The following TMEM131 variants were observed in gnomAD, a reference collection of about 807,000 sequenced individuals.
TMEM131 encodes transmembrane protein 131, also known as 2610524E03Rik.
A neutral mutation model predicts 211.6 loss-of-function variants in TMEM131; 66 were observed. The observed-to-expected ratio is 0.31, with a 90% CI of 0.26 to 0.38. The LOEUF is 0.38. Among genes scored for constraint, TMEM131 ranks in the 10% least tolerant of loss-of-function variants. The probability of loss-of-function intolerance (pLI) is 1.00; values close to 1 mark genes in which losing one functional copy is unlikely to be tolerated. For synonymous variants in TMEM131, 844 were observed against 841.3 expected (o/e 1.00, Z -0.06); for missense variants, 2,036 against 2,299.3 (o/e 0.89, Z 2.34).
intron 25 of TMEM131, among the ~76,000 whole-genome samples, chr2:97,797,862 G>T (rs778322768): frequency 4.6e-5 from 7 of 152,190 alleles, no homozygotes; most frequent in Non-Finnish European, 1.0e-4. Flanking sequence ...AACCTAAGAT[G>T]ATCAGCTAGA....
intron 3 of TMEM131, among the ~76,000 whole-genome samples, chr2:97,897,907 T>G (rs1483764577): frequency 6.6e-6 from 1 of 152,184 alleles, no homozygotes; most frequent in African/African-American, 2.4e-5. Context: ...ATTTAAAAAC[T>G]AATTTTCTAA....
chr2:97,916,207 C>A (rs1414421378), intron 2 of TMEM131, among the ~76,000 whole-genome samples: 2 of 152,232 alleles, frequency 1.3e-5, no homozygotes, highest in African/African-American at 4.8e-5. Flanking sequence ...TGGGCCACGG[C>A]ACCCAGCCTT....
intron 5 of TMEM131, among the ~76,000 whole-genome samples, chr2:97,850,540 T>C (rs1673578497): frequency 6.6e-6 from 1 of 152,086 alleles, no homozygotes; most frequent in Admixed American, 6.6e-5. Context: ...GACTGTAAGG[T>C]GCCCTTGACT....
Position 97,766,525 on chromosome 2 carries a change from G to T in TMEM131, c.4526C>A (p.Thr1509Asn). The T allele has an allele frequency of 6.2e-7, 1 of 1,614,050 alleles. No individual in the cohort carries two copies. The highest frequency in any genetic ancestry group is 8.5e-7 in the Non-Finnish European group (1 of 1,179,884). Residue 1509 changes from threonine (T) to asparagine (N), a missense_variant, in exon 34 of 41, where the codon ACT becomes AAT. Transcript: ENST00000186436. Reference protein sequence around the residue: ...RNLPSKIPLPTAMTSGSKSRN... With the variant: ...RNLPSKIPLPNAMTSGSKSRN... Reference sequence around the variant, plus strand: ...TGATTTGGATCCACTTGTCATTGCAGTTGGAAGAGGAATCTTGCTTGGGAG... The same window carrying T: ...TGATTTGGATCCACTTGTCATTGCATTTGGAAGAGGAATCTTGCTTGGGAG...
At chr2:97,958,026 G>A (rs1230442720) in intron 1 of TMEM131, among the ~76,000 whole-genome samples, 1 of 152,168 alleles carries the variant, frequency 6.6e-6, no homozygotes, top group Admixed American at 6.5e-5. Context: ...ACGTCTGAAG[G>A]AAGAGTCAGG....
intron 2 of TMEM131, among the ~76,000 whole-genome samples, chr2:97,916,196 G>A (rs557352159): frequency 1.8e-4 from 28 of 152,334 alleles, no homozygotes; most frequent in African/African-American, 6.7e-4. Flanking sequence ...GATTATAGGC[G>A]TGGGCCACGG....
chr2:97,964,657 A>G (rs1045749940), intron 1 of TMEM131, among the ~76,000 whole-genome samples: 2 of 152,218 alleles, frequency 1.3e-5, no homozygotes, highest in Non-Finnish European at 2.9e-5. Flanking sequence ...AAACACATCG[A>G]AACAGAAATA....
chr2:97,811,130 C>T lies in TMEM131; in HGVS notation c.1966G>A (p.Glu656Lys), dbSNP rs1465130287. ...ATGAATCCCCATAAAGTCCTTACCT[C>T]ATAGTCTGTTGTGATCTGGATGGCT... ...DGAIQITTDYEILTIPVKAVI... is the reference protein window; with the variant it reads ...DGAIQITTDYKILTIPVKAVI... The change falls in exon 18 of 41, where the codon GAG (glutamate) becomes AAG (lysine). Residue 656 changes from glutamate to lysine, a missense_variant and splice_region_variant. This residue lies in a region of TMEM131 where 1,623 missense variants were observed against 1,805.9 expected (regional missense o/e 0.90). Coordinates refer to ENST00000186436, the MANE Select transcript of TMEM131 (RefSeq NM_015348.2). 2.5e-6 allele frequency: 4 copies of T among 1,611,938 alleles called. No homozygotes were observed. The highest frequency in any genetic ancestry group is 1.3e-5 in the African/African-American group (1 of 74,888).
intron 1 of TMEM131, among the ~76,000 whole-genome samples, chr2:97,956,580 C>A (rs113374629): frequency 6.6e-6 from 1 of 151,844 alleles, no homozygotes; most frequent in South Asian, 2.1e-4. Flanking sequence ...GGAAAATTTT[C>A]TTGGGCATAG....
chr2:97,776,030 A>C lies in TMEM131; in HGVS notation c.4145-12T>G. On this transcript the variant is annotated splice_polypyrimidine_tract_variant and intron_variant, in intron 31 of 40. Coordinates refer to ENST00000186436, the MANE Select transcript of TMEM131 (RefSeq NM_015348.2). ...AGGTTTTCCTTTCCCTGAGGATAAA[A>C]ATTAAAGTAAAAGAACTCTTGTTTT... 9 of 1,594,394 alleles carry C rather than the reference A, an allele frequency of 5.6e-6. No homozygotes were observed. Among genetic ancestry groups the C allele is most frequent in the Non-Finnish European group, 7.7e-6 (9 of 1,174,346 alleles).
rs755637207 is a variant in TMEM131 at position 97,802,433 on chromosome 2, T to C, written c.2646A>G (p.Val882=). ...TGATCCCAAGCAATACTTACCTTGATACTAACTTATCTACAAACACTGAAG... is the reference window on the plus strand; with the variant it reads ...TGATCCCAAGCAATACTTACCTTGACACTAACTTATCTACAAACACTGAAG... ...SNPSVFVDKL[V]SRFNLSKVAK... The change falls in exon 24 of 41, where the codon GTA becomes GTG. Residue 882 remains valine, a synonymous_variant. Coordinates refer to ENST00000186436, the MANE Select transcript of TMEM131 (RefSeq NM_015348.2). 3.1e-6 allele frequency: 5 copies of C among 1,599,906 alleles called. No individual in the cohort carries two copies. The highest frequency in any genetic ancestry group is 3.5e-5 in the Admixed American group (2 of 57,722).
chr2:97,870,731 A>G (rs1173864823), intron 4 of TMEM131, among the ~76,000 whole-genome samples: 1 of 152,234 alleles, frequency 6.6e-6, no homozygotes, highest in Non-Finnish European at 1.5e-5. Context: ...CTTATGAATG[A>G]CAGTGACACA....
chr2:97,757,110 G>A lies in TMEM131; in HGVS notation c.5641C>T (p.His1881Tyr), dbSNP rs1186804464. The A allele has an allele frequency of 7.5e-6, 12 of 1,593,624 alleles. No homozygotes were observed. The highest frequency in any genetic ancestry group is 1.7e-5 in the Admixed American group (1 of 57,604). ...GTTTTTTGCTTAATTTAATTCTCGT[G>A]AGGAAAGTGCGAATTAGACCAAGGG... ...SDPWSNSHFP[H>Y]EN Residue 1881 changes from histidine to tyrosine, a missense_variant, in exon 41 of 41, where the codon CAC becomes TAC. His to Tyr is a moderately conservative substitution (Grantham distance 83). Around this residue, in one of 3 missense-constraint regions of TMEM131, gnomAD observed 1,623 missense variants for 1,805.9 expected, o/e 0.90. Transcript: ENST00000186436.
chr2:97,890,794 T>C (rs1319108470), intron 3 of TMEM131, among the ~76,000 whole-genome samples: 10 of 152,314 alleles, frequency 6.6e-5, no homozygotes, highest in Non-Finnish European at 1.5e-5. Flanking sequence ...TCCTTTCAAA[T>C]CCTTAGATAA....
chr2:97,832,645 T>C (rs1165508306), intron 11 of TMEM131, among the ~76,000 whole-genome samples: 1 of 152,236 alleles, frequency 6.6e-6, no homozygotes, highest in East Asian at 1.9e-4. Context: ...GAAGTTAAGT[T>C]TCTGGCATCA....
At chr2:97,814,986 A>C (rs1681749758) in intron 13 of TMEM131, among the ~76,000 whole-genome samples, 1 of 152,134 alleles carries the variant, frequency 6.6e-6, no homozygotes, top group African/African-American at 2.4e-5. Flanking sequence ...TTAAGCCCAA[A>C]TCCTATCATC....
At chr2:97,966,044 CTT>C (rs1270200314) in intron 1 of TMEM131, among the ~76,000 whole-genome samples, 1 of 151,302 alleles carries the variant, frequency 6.6e-6, no homozygotes. Context: ...TAAAAAAAAA[CTT>C]AAATTGCAAA....
chr2:97,969,417 T>C (rs923872263), intron 1 of TMEM131, among the ~76,000 whole-genome samples: 12 of 152,170 alleles, frequency 7.9e-5, no homozygotes, highest in African/African-American at 2.9e-4. Context: ...CTCCCCTCCA[T>C]TAGTCTGTTA....
chr2:97,914,924 C>G (rs539110329), intron 2 of TMEM131, among the ~76,000 whole-genome samples: 1 of 152,282 alleles, frequency 6.6e-6, no homozygotes, highest in South Asian at 2.1e-4. Flanking sequence ...TTATAGTAAC[C>G]ACATGTTTAG....
Sources: gnomAD v4.1 joint callset for allele counts (sites outside exome capture counted in the v4.1 genomes callset) on GRCh38, gnomAD v4.1.1 for gene constraint, gnomAD v4.1.1 regional missense constraint, MANE v1.5 for transcripts, NCBI Gene and HGNC (gene_info 2026-07-23, HGNC 2026-07-21) for gene names.